ADAMTS17: variants seen among roughly 807,000 people sequenced by gnomAD.
ADAMTS17 encodes A disintegrin and metalloproteinase with thrombospondin motifs 17.
ADAMTS17 carries 113 observed loss-of-function variants against 141.5 expected under a neutral mutation model. That is an observed-to-expected ratio of 0.80 (90% confidence interval 0.69 to 0.93). The LOEUF (loss-of-function observed/expected upper bound fraction) is 0.93. Ranked by LOEUF, ADAMTS17 falls within the 40% of genes least tolerant of loss-of-function variation. ADAMTS17 has a pLI of 0.00. For synonymous variants in ADAMTS17, 768 were observed against 630.6 expected (o/e 1.22, Z -3.27); for missense variants, 1,659 against 1,517.9 (o/e 1.09, Z -1.54).
chr15:100,034,596 G>C (rs1188188567), intron 18 of ADAMTS17, among the ~76,000 whole-genome samples: 2 of 152,238 alleles, frequency 1.3e-5, no homozygotes, highest in African/African-American at 2.4e-5. Context: ...GTTTCTATCA[G>C]AACTGGTGTT....
intron 7 of ADAMTS17, among the ~76,000 whole-genome samples, chr15:100,225,838 C>T (rs1237554203): frequency 1.3e-5 from 2 of 148,228 alleles, no homozygotes; most frequent in Non-Finnish European, 3.0e-5. Flanking sequence ...GGTCTCTGTG[C>T]CATTCAGTCC....
intron 3 of ADAMTS17, among the ~76,000 whole-genome samples, chr15:100,292,031 C>CT (rs2044640892): frequency 7.6e-6 from 1 of 131,446 alleles, no homozygotes; most frequent in African/African-American, 2.9e-5. Context: ...CGTGTGGAAT[C>CT]ACGAGAGACG....
At chr15:100,195,995 T>C (rs966891240) in intron 8 of ADAMTS17, among the ~76,000 whole-genome samples, 1 of 152,192 alleles carries the variant, frequency 6.6e-6, no homozygotes, top group Non-Finnish European at 1.5e-5. Flanking sequence ...TAGGACTGAC[T>C]CAATGGCGTG....
At chr15:100,144,293 T>C (rs1355719574) in intron 10 of ADAMTS17, among the ~76,000 whole-genome samples, 1 of 152,208 alleles carries the variant, frequency 6.6e-6, no homozygotes, top group Non-Finnish European at 1.5e-5. Context: ...GGCTCACACC[T>C]GTAGTCCCAG....
chr15:100,199,454 C>T, intron 7 of ADAMTS17, 31 bp from the exon 8 acceptor site: 1 of 1,595,716 alleles, frequency 6.3e-7, no homozygotes, highest in Non-Finnish European at 8.6e-7. Flanking sequence ...ACATCCTCTT[C>T]AGAACGTGGG....
At chr15:100,033,691 A>C (rs2030414999) in intron 18 of ADAMTS17, among the ~76,000 whole-genome samples, 1 of 152,224 alleles carries the variant, frequency 6.6e-6, no homozygotes, top group African/African-American at 2.4e-5. Flanking sequence ...CTGGGTTCTG[A>C]GCAGAGTGAC....
chr15:100,065,630 C>T (rs543237107), intron 15 of ADAMTS17, among the ~76,000 whole-genome samples: 6 of 152,126 alleles, frequency 3.9e-5, no homozygotes, highest in African/African-American at 9.6e-5. Context: ...GGAGTGCTTC[C>T]GAAGTTTTCC....
intron 8 of ADAMTS17, among the ~76,000 whole-genome samples, chr15:100,182,270 G>A (rs901483623): frequency 4.6e-5 from 7 of 152,172 alleles, no homozygotes; most frequent in East Asian, 1.9e-4. Context: ...GAGCGAAGGC[G>A]GACGAGCCCC....
chr15:100,243,767 G>C (rs2042898941), intron 7 of ADAMTS17, among the ~76,000 whole-genome samples: 2 of 148,918 alleles, frequency 1.3e-5, no homozygotes, highest in Non-Finnish European at 3.0e-5. Context: ...TCCAGCCTGG[G>C]TGACAGAGCA....
chr15:100,252,865 G>T (rs189771653), intron 7 of ADAMTS17, among the ~76,000 whole-genome samples: 1 of 152,144 alleles, frequency 6.6e-6, no homozygotes, highest in African/African-American at 2.4e-5. Flanking sequence ...ATGAATGGTA[G>T]CTATCATTAT....
intron 14 of ADAMTS17, among the ~76,000 whole-genome samples, chr15:100,097,167 TC>T: frequency 6.6e-6 from 1 of 152,220 alleles, no homozygotes; most frequent in East Asian, 1.9e-4. Flanking sequence ...ACTCTTTTTT[TC>T]TTTTTTAAAA....
chr15:100,260,384 C>T (rs185936389), intron 6 of ADAMTS17, among the ~76,000 whole-genome samples: 6 of 152,020 alleles, frequency 3.9e-5, no homozygotes, highest in Admixed American at 1.3e-4. Flanking sequence ...GAGGCCAAGG[C>T]GGGCAGATTA....
intron 18 of ADAMTS17, among the ~76,000 whole-genome samples, chr15:100,021,153 G>A (rs1378248897): frequency 4.6e-5 from 7 of 152,148 alleles, no homozygotes; most frequent in African/African-American, 9.7e-5. Flanking sequence ...TCTCCACCTG[G>A]GAGGCTTCAG....
chr15:100,253,081 C>T (rs887462448), intron 7 of ADAMTS17, among the ~76,000 whole-genome samples: 2 of 151,898 alleles, frequency 1.3e-5, no homozygotes, highest in Admixed American at 6.6e-5. Context: ...TTTTTCACAC[C>T]TATACTGTTT....
chr15:100,078,865 C>T (rs11852629), intron 15 of ADAMTS17, among the ~76,000 whole-genome samples: 23,797 of 152,004 alleles, frequency 0.16, 3,610 homozygotes, highest in African/African-American at 0.4. Flanking sequence ...GCTTGCAGCT[C>T]GACAAGAAAA....
chr15:100,202,960 C>T (rs1047800031), intron 7 of ADAMTS17, among the ~76,000 whole-genome samples: 2 of 151,498 alleles, frequency 1.3e-5, no homozygotes, highest in Admixed American at 1.3e-4. Context: ...AAATTCTCCA[C>T]AGATCACAGA....
intron 7 of ADAMTS17, among the ~76,000 whole-genome samples, chr15:100,214,818 G>A (rs891727263): frequency 9.9e-5 from 15 of 152,218 alleles, no homozygotes; most frequent in South Asian, 2.1e-4. Flanking sequence ...CAAGCGACAC[G>A]GCACACTTCC....
intron 18 of ADAMTS17, among the ~76,000 whole-genome samples, chr15:100,025,300 A>G (rs2061486228): frequency 6.6e-6 from 1 of 151,584 alleles, no homozygotes; most frequent in Admixed American, 6.6e-5. Flanking sequence ...TCCCTGGAAT[A>G]CCTTTATTTT....
In ADAMTS17 at chr15:100,054,090, C is replaced by T. The variant is rs768161169; in HGVS notation, c.2138-36G>A. 13 of 1,613,680 alleles carry T rather than the reference C, an allele frequency of 8.1e-6. No individual in the cohort carries two copies. In the South Asian group the frequency reaches 8.8e-5, roughly 11 times the overall value. ...AGTTGAAGACCAAAGAATCAAGGGGCTGGGGGTAGGGGGATCCAGCCTGTC... is the reference window on the plus strand; with the variant it reads ...AGTTGAAGACCAAAGAATCAAGGGGTTGGGGGTAGGGGGATCCAGCCTGTC... On this transcript the variant is annotated intron_variant, in intron 15 of 21. Transcript: ENST00000268070.
Sources: gnomAD v4.1 joint callset for allele counts (sites outside exome capture counted in the v4.1 genomes callset) on GRCh38, gnomAD v4.1.1 for gene constraint, MANE v1.5 for transcripts, NCBI Gene and HGNC (gene_info 2026-07-23, HGNC 2026-07-21) for gene names.